The following CATSPERG variants were observed in gnomAD, a reference collection of about 807,000 sequenced individuals.
CATSPERG encodes cation channel sperm-associated auxiliary subunit gamma.
Under a neutral mutation model 145.0 loss-of-function variants are expected in CATSPERG, and 115 were observed. That is an observed-to-expected ratio of 0.79 (90% CI 0.68 to 0.93). CATSPERG has a LOEUF of 0.93. CATSPERG is among the 40% of genes least tolerant of loss of function. The pLI, the probability that CATSPERG is intolerant of heterozygous loss-of-function variation, is 0.00. For missense variants in CATSPERG, 1,296 were observed against 1,490.1 expected, an observed-to-expected ratio of 0.87 and a Z score of 2.14; for synonymous variants, 588 against 589.0, an observed-to-expected ratio of 1.00 and a Z score of 0.02.
At chr19:38,352,522 G>A (rs569895559) in intron 8 of CATSPERG, 90 bp downstream of exon 8, 83 of 1,326,786 alleles carry the variant, frequency 6.3e-5, no homozygotes, top group Admixed American at 3.2e-4. Flanking sequence ...ATTGCTGTGG[G>A]TGAGGCATTG....
chr19:38,361,132 C>T lies in CATSPERG; in HGVS notation c.1880+289C>T, dbSNP rs544490733. Among the ~76,000 whole-genome samples the T allele has an allele frequency of 5.0e-4, 76 of 152,196 alleles. No homozygotes were observed. In the South Asian group the frequency reaches 0.016, roughly 31 times the overall value. On this transcript the variant is annotated intron_variant, in intron 16 of 28. Transcript: ENST00000409235. Reference sequence around the variant, plus strand: ...GAAGGGTGTTCCAGAAAGGGGGAACCACCTGTGCAGAGGCCCTGATGGGAG... The same window carrying T: ...GAAGGGTGTTCCAGAAAGGGGGAACTACCTGTGCAGAGGCCCTGATGGGAG...
intron 6 of CATSPERG, among the ~76,000 whole-genome samples, chr19:38,344,901 A>ATATT (rs1468159196): frequency 1.6e-4 from 13 of 80,018 alleles, no homozygotes; most frequent in South Asian, 4.6e-4. Flanking sequence ...ATATATATAT[A>ATATT]TTTTTTTTTT....
At chr19:38,344,166 C>T (rs912623772) in intron 5 of CATSPERG, 47 bp downstream of exon 5, 5 of 1,549,994 alleles carry the variant, frequency 3.2e-6, no homozygotes, top group Admixed American at 3.9e-5. Context: ...GGGGGAATTC[C>T]TCACCCCAGG....
chr19:38,365,299 C>T (rs948507101), intron 22 of CATSPERG, 182 bp downstream of exon 22: 25 of 609,340 alleles, frequency 4.1e-5, no homozygotes, highest in South Asian at 6.1e-5. Context: ...TTCTTTAAGA[C>T]GGAGTTTCAC....
At chr19:38,349,918 GC>G (rs1386640552) in intron 7 of CATSPERG, among the ~76,000 whole-genome samples, 1 of 152,116 alleles carries the variant, frequency 6.6e-6, no homozygotes, top group Non-Finnish European at 1.5e-5. Context: ...GCCCGCCTTG[GC>G]CTCCCAAAGT....
intron 1 of CATSPERG, chr19:38,336,969 G>A: frequency 1.8e-6 from 1 of 560,686 alleles, no homozygotes; most frequent in Non-Finnish European, 3.2e-6. Context: ...AAGAGCAGGG[G>A]CGGGACCAGG....
At chr19:38,347,309 C>T (rs1198734995) in intron 7 of CATSPERG, among the ~76,000 whole-genome samples, 4 of 151,938 alleles carry the variant, frequency 2.6e-5, no homozygotes, top group East Asian at 3.9e-4. Context: ...AGCCGGGAGG[C>T]GGAGCTTGCA....
intron 3 of CATSPERG, among the ~76,000 whole-genome samples, chr19:38,340,102 C>T (rs555881727): frequency 6.6e-6 from 1 of 152,238 alleles, no homozygotes; most frequent in East Asian, 1.9e-4. Flanking sequence ...GATCCACCTG[C>T]CTTGGCCTCC....
At chr19:38,337,769 A>T (rs1969867812) in intron 3 of CATSPERG, 123 bp downstream of exon 3, 1 of 890,038 alleles carries the variant, frequency 1.1e-6, no homozygotes, top group African/African-American at 1.7e-5. Context: ...CCCAGACTGG[A>T]GTGCAGTGGC....
intron 27 of CATSPERG, 41 bp downstream of exon 27, chr19:38,370,105 C>T: frequency 6.2e-7 from 1 of 1,613,044 alleles, no homozygotes; most frequent in Non-Finnish European, 8.5e-7. Flanking sequence ...CAGGGGCTGC[C>T]CATGGAATGC....
At chr19:38,364,083 C>T (rs1336865860) in intron 20 of CATSPERG, among the ~76,000 whole-genome samples, 4 of 151,200 alleles carry the variant, frequency 2.6e-5, no homozygotes, top group Admixed American at 1.3e-4. Context: ...GGCAGCTGGC[C>T]GGGCGGGGGG....
At chr19:38,349,912 G>A (rs578206870) in intron 7 of CATSPERG, among the ~76,000 whole-genome samples, 74 of 152,196 alleles carry the variant, frequency 4.9e-4, no homozygotes, top group African/African-American at 1.5e-3. Context: ...TGATCTGCCC[G>A]CCTTGGCCTC....
At chr19:38,341,034 T>A (rs1028163018) in intron 3 of CATSPERG, among the ~76,000 whole-genome samples, 1 of 152,004 alleles carries the variant, frequency 6.6e-6, no homozygotes, top group Non-Finnish European at 1.5e-5. Flanking sequence ...GCCAGCACGA[T>A]GGCCCAGAGG....
intron 26 of CATSPERG, among the ~76,000 whole-genome samples, chr19:38,369,290 T>C (rs1369584430): frequency 6.6e-6 from 1 of 152,046 alleles, no homozygotes; most frequent in Admixed American, 6.6e-5. Context: ...AGACAGAGTC[T>C]TGCTCCGTCA....
chr19:38,361,570 TG>T (rs1201117834), intron 16 of CATSPERG, 77 bp from the exon 17 acceptor site: 31 of 1,159,814 alleles, frequency 2.7e-5, no homozygotes, highest in Non-Finnish European at 3.5e-5. Context: ...GTGGGTGGGG[TG>T]GGAAAGAGGC....
In CATSPERG at chr19:38,337,752, G is replaced by A. The variant is rs560788686; in HGVS notation, c.324+106G>A. 1,669 of 1,092,718 alleles carry A rather than the reference G, an allele frequency of 1.5e-3. 3 individuals carry two copies. The highest frequency in any genetic ancestry group is 2.9e-3 in the Admixed American group (107 of 36,674). The allele number at this position is 1,092,718 out of a possible 1,614,324, so 67.7% of individuals were successfully genotyped here. A position where few individuals can be genotyped will look rare whatever the true frequency, so the allele number is the denominator to read the frequency against. On this transcript the variant is annotated intron_variant, in intron 3 of 28. Coordinates refer to ENST00000409235, the MANE Select transcript of CATSPERG (RefSeq NM_021185.5). ...TTATTTTTTTGAGACGGAGTCTTGC[G>A]CTGTTGCCCAGACTGGAGTGCAGTG...
chr19:38,343,956 G>C (rs1370540593), intron 4 of CATSPERG, 37 bp from the exon 5 acceptor site: 5 of 1,545,840 alleles, frequency 3.2e-6, no homozygotes, highest in Non-Finnish European at 4.4e-6. Flanking sequence ...GCCATTGGGA[G>C]GCCCCAGCAG....
intron 8 of CATSPERG, among the ~76,000 whole-genome samples, chr19:38,353,990 CAAAAAAAAAAAAAAA>C (rs965226814): frequency 3.3e-5 from 1 of 30,556 alleles, no homozygotes; most frequent in Non-Finnish European, 6.0e-5. Context: ...GACTCTGTCT[CAAAAAAAAAAAAAAA>C]AAAAAAAAAA....
At chr19:38,357,328 T>G in intron 11 of CATSPERG, among the ~76,000 whole-genome samples, 1 of 125,628 alleles carries the variant, frequency 8.0e-6, no homozygotes, top group East Asian at 2.4e-4. Flanking sequence ...TGGGGCAACA[T>G]GGCAAGAGGC....
Sources: gnomAD v4.1 joint callset for allele counts (sites outside exome capture counted in the v4.1 genomes callset) on GRCh38, gnomAD v4.1.1 for gene constraint, MANE v1.5 for transcripts, NCBI Gene and HGNC (gene_info 2026-07-23, HGNC 2026-07-21) for gene names.